The following PKP1 variants were observed in gnomAD, a reference collection of about 807,000 sequenced individuals.
PKP1 encodes the protein plakophilin 1.
Under a neutral mutation model 76.4 loss-of-function variants are expected in PKP1, and 27 were observed. That is an observed-to-expected ratio of 0.35 (90% confidence interval 0.26 to 0.49). The LOEUF (loss-of-function observed/expected upper bound fraction) is 0.49, where lower values mean the gene tolerates loss of function less well. PKP1 is among the 20% of genes least tolerant of loss of function. The pLI, the probability that PKP1 is intolerant of heterozygous loss-of-function variation, is 0.99. For synonymous variants in PKP1, 404 were observed against 384.2 expected (o/e 1.05, Z -0.60); for missense variants, 964 against 955.2 (o/e 1.01, Z -0.12).
intron 1 of PKP1, among the ~76,000 whole-genome samples, chr1:201,289,652 G>A (rs1469817757): frequency 6.6e-6 from 1 of 151,438 alleles, no homozygotes; most frequent in Non-Finnish European, 1.5e-5. Flanking sequence ...TCCCAGCTTG[G>A]TTGGGGAGAC....
At chr1:201,306,426 C>A (rs533904597) in intron 2 of PKP1, among the ~76,000 whole-genome samples, 72 of 152,352 alleles carry the variant, frequency 4.7e-4, no homozygotes, top group African/African-American at 1.6e-3. Context: ...GGCTAAGATG[C>A]CTTCTTTATC....
At chr1:201,323,701 G>A (rs1657019842) in intron 9 of PKP1, among the ~76,000 whole-genome samples, 1 of 152,168 alleles carries the variant, frequency 6.6e-6, no homozygotes, top group Non-Finnish European at 1.5e-5. Flanking sequence ...GAGTTGAGAT[G>A]GGCCAGGCGG....
At chr1:201,313,664 CA>C in intron 3 of PKP1, 104 bp downstream of exon 3, 9 of 1,223,014 alleles carry the variant, frequency 7.4e-6, no homozygotes, top group Middle Eastern at 5.8e-4. Context: ...ACAGGAGAGA[CA>C]TAGCTTCTGT....
intron 7 of PKP1, 108 bp from the exon 8 acceptor site, chr1:201,321,870 C>G (rs988999350): frequency 1.0e-5 from 13 of 1,298,810 alleles, no homozygotes; most frequent in Non-Finnish European, 1.4e-5. Flanking sequence ...TCATCTTTCC[C>G]GATGCAGCCC....
intron 12 of PKP1, 81 bp downstream of exon 12, chr1:201,325,919 T>C (rs1657110203): frequency 2.8e-6 from 3 of 1,068,058 alleles, no homozygotes; most frequent in Non-Finnish European, 4.3e-6. Flanking sequence ...GGCTCTGGGC[T>C]GGGCACTAGA....
At chr1:201,321,185 G>C (rs1453637091) in intron 7 of PKP1, among the ~76,000 whole-genome samples, 1 of 152,192 alleles carries the variant, frequency 6.6e-6, no homozygotes, top group Non-Finnish European at 1.5e-5. Context: ...CAGGGCCACA[G>C]AGGAGAGCCT....
chr1:201,287,560 T>G (rs1655777443), intron 1 of PKP1, among the ~76,000 whole-genome samples: 1 of 152,230 alleles, frequency 6.6e-6, no homozygotes. Context: ...TGGCGAAACA[T>G]ACCAATTAAA....
At chr1:201,286,554 C>T (rs1209839313) in intron 1 of PKP1, among the ~76,000 whole-genome samples, 1 of 152,180 alleles carries the variant, frequency 6.6e-6, no homozygotes, top group African/African-American at 2.4e-5. Context: ...TCACAAAATG[C>T]CTGTCTGCAC....
intron 2 of PKP1, among the ~76,000 whole-genome samples, chr1:201,301,520 T>C (rs2102161836): frequency 6.6e-6 from 1 of 152,256 alleles, no homozygotes; most frequent in Admixed American, 6.5e-5. Context: ...ATTTCTTCCA[T>C]TCTGATGAGA....
Position 201,330,386 on chromosome 1 carries a change from TGTGA to T in PKP1, c.*349_*352del, listed in dbSNP as rs1012456084. 1 of 152,410 alleles carries T rather than the reference TGTGA, an allele frequency of 6.6e-6. No individual in the cohort carries two copies. The highest frequency in any genetic ancestry group is 6.5e-5 in the Admixed American group (1 of 15,304). 9.4% of individuals were successfully genotyped at this position (152,410 alleles called of 1,614,324 possible). A position where few individuals can be genotyped will look rare whatever the true frequency, so the allele number is the denominator to read the frequency against. ...GCATGTGCGCGTGCATGTGTGTGTGTGTGAGTGTCTTAAAGCATAACCACAAACT... is the reference window on the plus strand; with the variant it reads ...GCATGTGCGCGTGCATGTGTGTGTGTGTGTCTTAAAGCATAACCACAAACT... On this transcript the variant is annotated 3_prime_UTR_variant, in exon 14 of 14. Coordinates refer to ENST00000367324, the MANE Select transcript of PKP1 (RefSeq NM_001005337.3).
At position 201,330,816 on chromosome 1, in the gene PKP1, G is replaced by A. The variant is rs987429497; in HGVS notation, c.*775G>A. ...GACACTCTCGCATACTTTGCCAAAT[G>A]AGGCCTGCTCAGAGGAGTAGGAGCT... On this transcript the variant is annotated 3_prime_UTR_variant, in exon 14 of 14. Coordinates refer to ENST00000367324, the MANE Select transcript of PKP1 (RefSeq NM_001005337.3). 2.6e-5 allele frequency: 4 copies of A among 152,310 alleles called. No individual in the cohort carries two copies. Among genetic ancestry groups the A allele is most frequent in the Non-Finnish European group, 5.9e-5 (4 of 68,094 alleles). The allele number at this position is 152,310 out of a possible 1,614,324, so 9.4% of individuals were successfully genotyped here.
chr1:201,286,372 C>T (rs928083751), intron 1 of PKP1, among the ~76,000 whole-genome samples: 20 of 152,190 alleles, frequency 1.3e-4, no homozygotes, highest in Non-Finnish European at 2.8e-4. Context: ...CACAGGTTGC[C>T]TGGAAGAGTA....
intron 12 of PKP1, among the ~76,000 whole-genome samples, chr1:201,328,034 T>C (rs1044294215): frequency 1.3e-5 from 2 of 152,168 alleles, no homozygotes; most frequent in South Asian, 2.1e-4. Context: ...CCCTATGCCA[T>C]CTCCCCTCCT....
chr1:201,320,475 G>A (rs981704911), intron 7 of PKP1, 94 bp downstream of exon 7: 6 of 794,118 alleles, frequency 7.6e-6, no homozygotes, highest in African/African-American at 5.1e-5. Flanking sequence ...CAAGACAGGA[G>A]CACAGACTCA....
intron 2 of PKP1, among the ~76,000 whole-genome samples, chr1:201,297,581 G>A (rs868164687): frequency 2.0e-5 from 3 of 152,214 alleles, no homozygotes; most frequent in Non-Finnish European, 4.4e-5. Flanking sequence ...TACTGGTACA[G>A]CGGACTAGAT....
chr1:201,294,107 A>G (rs767938039), intron 2 of PKP1, 62 bp downstream of exon 2: 115 of 1,163,472 alleles, frequency 9.9e-5, no homozygotes, highest in Admixed American at 4.8e-4. Flanking sequence ...TGAGGTTTAT[A>G]GTGGAGAAAA....
chr1:201,301,226 G>A (rs1481809457), intron 2 of PKP1, among the ~76,000 whole-genome samples: 1 of 152,210 alleles, frequency 6.6e-6, no homozygotes, highest in African/African-American at 2.4e-5. Flanking sequence ...TGGTCAGGAT[G>A]TGCAGGGAGA....
chr1:201,328,910 G>A (rs1657230332), intron 13 of PKP1, 42 bp downstream of exon 13: 1 of 1,194,454 alleles, frequency 8.4e-7, no homozygotes, highest in Non-Finnish European at 1.3e-6. Context: ...TGGGACCACT[G>A]CAACAGCCTC....
intron 1 of PKP1, among the ~76,000 whole-genome samples, chr1:201,287,875 A>G (rs2102404719): frequency 6.6e-6 from 1 of 152,366 alleles, no homozygotes; most frequent in Admixed American, 6.5e-5. Context: ...TGAACAAAAT[A>G]AAATGGACGA....
Sources: gnomAD v4.1 joint callset for allele counts (sites outside exome capture counted in the v4.1 genomes callset) on GRCh38, gnomAD v4.1.1 for gene constraint, MANE v1.5 for transcripts, NCBI Gene and HGNC (gene_info 2026-07-23, HGNC 2026-07-21) for gene names.